The following ST6GALNAC3 variants were observed in gnomAD, a reference collection of about 807,000 sequenced individuals.
The protein encoded by ST6GALNAC3 is ST6 N-acetylgalactosaminide alpha-2,6-sialyltransferase 3.
A neutral mutation model predicts 32.7 loss-of-function variants in ST6GALNAC3; 25 were observed. That is an observed-to-expected ratio of 0.76 (90% confidence interval 0.56 to 1.07). The LOEUF (loss-of-function observed/expected upper bound fraction) is 1.07, where lower values mean the gene tolerates loss of function less well. ST6GALNAC3 is among the 50% of genes least tolerant of loss of function. ST6GALNAC3 has a pLI of 0.00. For missense variants in ST6GALNAC3, 355 were observed against 382.4 expected, an observed-to-expected ratio of 0.93 and a Z score of 0.60; for synonymous variants, 129 against 133.1, an observed-to-expected ratio of 0.97 and a Z score of 0.21.
intron 2 of ST6GALNAC3, among the ~76,000 whole-genome samples, chr1:76,363,264 T>C (rs1650108330): frequency 6.6e-6 from 1 of 152,194 alleles, no homozygotes; most frequent in Non-Finnish European, 1.5e-5. Context: ...CTAGATACTG[T>C]AAATCATCAC....
intron 3 of ST6GALNAC3, among the ~76,000 whole-genome samples, chr1:76,553,139 A>G (rs1314702956): frequency 6.6e-6 from 1 of 152,232 alleles, no homozygotes; most frequent in East Asian, 1.9e-4. Flanking sequence ...CAAAGGACAA[A>G]AAACCTGAAG....
At chr1:76,418,789 A>C (rs1387034761) in intron 3 of ST6GALNAC3, among the ~76,000 whole-genome samples, 1 of 152,070 alleles carries the variant, frequency 6.6e-6, no homozygotes, top group Non-Finnish European at 1.5e-5. Flanking sequence ...TTAGTCAAAA[A>C]GCATAATACT....
chr1:76,293,800 C>G (rs997750354), intron 1 of ST6GALNAC3, among the ~76,000 whole-genome samples: 5 of 152,078 alleles, frequency 3.3e-5, no homozygotes, highest in African/African-American at 1.2e-4. Flanking sequence ...AAATATAAAG[C>G]TTTAAAACAG....
chr1:76,183,312 A>G (rs1653308641), intron 1 of ST6GALNAC3, among the ~76,000 whole-genome samples: 1 of 152,154 alleles, frequency 6.6e-6, no homozygotes, highest in Admixed American at 6.5e-5. Context: ...CAAATGGTCT[A>G]CACCACATGA....
At chr1:76,114,675 A>C (rs1648333582) in intron 1 of ST6GALNAC3, among the ~76,000 whole-genome samples, 1 of 152,138 alleles carries the variant, frequency 6.6e-6, no homozygotes, top group African/African-American at 2.4e-5. Flanking sequence ...TTGGGAGGCC[A>C]AGGTGAGCGA....
intron 2 of ST6GALNAC3, among the ~76,000 whole-genome samples, chr1:76,324,082 A>T (rs1208817159): frequency 6.6e-6 from 1 of 151,920 alleles, no homozygotes; most frequent in Non-Finnish European, 1.5e-5. Context: ...GTGGTCTCGA[A>T]CTCCTGAGCC....
intron 1 of ST6GALNAC3, among the ~76,000 whole-genome samples, chr1:76,196,497 C>T (rs1312006117): frequency 1.3e-5 from 2 of 151,294 alleles, no homozygotes; most frequent in Non-Finnish European, 2.9e-5. Context: ...CGGAGTTTCA[C>T]TCTTGTCACC....
intron 1 of ST6GALNAC3, among the ~76,000 whole-genome samples, chr1:76,075,623 A>G (rs775286400): frequency 1.4e-4 from 21 of 151,986 alleles, no homozygotes; most frequent in Non-Finnish European, 2.9e-4. Flanking sequence ...GGGTTCACAG[A>G]CTTGTGGCCT....
chr1:76,487,710 C>A (rs975042401), intron 3 of ST6GALNAC3, among the ~76,000 whole-genome samples: 8 of 152,190 alleles, frequency 5.3e-5, no homozygotes, highest in Non-Finnish European at 1.0e-4. Flanking sequence ...TCATATGAAG[C>A]CTTCTTCTCT....
chr1:76,433,009 T>G (rs1382701103), intron 3 of ST6GALNAC3, among the ~76,000 whole-genome samples: 1 of 152,166 alleles, frequency 6.6e-6, no homozygotes, highest in Non-Finnish European at 1.5e-5. Context: ...CCCCGCCTGC[T>G]TCCCCTCTTG....
At chr1:76,189,943 A>T (rs1267844822) in intron 1 of ST6GALNAC3, among the ~76,000 whole-genome samples, 1 of 152,190 alleles carries the variant, frequency 6.6e-6, no homozygotes, top group Admixed American at 6.5e-5. Flanking sequence ...ATTTCTAGTT[A>T]TTGGATCACA....
At chr1:76,534,528 G>T (rs567301244) in intron 3 of ST6GALNAC3, among the ~76,000 whole-genome samples, 2 of 152,020 alleles carry the variant, frequency 1.3e-5, no homozygotes, top group African/African-American at 4.8e-5. Context: ...ATGCTGTTTT[G>T]TATTTTCCTA....
intron 3 of ST6GALNAC3, among the ~76,000 whole-genome samples, chr1:76,450,766 A>G (rs1276935722): frequency 2.0e-5 from 3 of 152,256 alleles, no homozygotes; most frequent in South Asian, 4.2e-4. Flanking sequence ...ATTCTTCTAC[A>G]TGTGGTTTGC....
At chr1:76,469,920 T>C (rs1029187291) in intron 3 of ST6GALNAC3, among the ~76,000 whole-genome samples, 1 of 152,126 alleles carries the variant, frequency 6.6e-6, no homozygotes, top group African/African-American at 2.4e-5. Context: ...AGCTAAGTGC[T>C]ATGGAGGGTA....
chr1:76,218,235 A>G (rs902499626), intron 1 of ST6GALNAC3, among the ~76,000 whole-genome samples: 9 of 152,120 alleles, frequency 5.9e-5, no homozygotes, highest in African/African-American at 2.2e-4. Flanking sequence ...TGAATAGACT[A>G]TCAAAGGTTG....
chr1:76,173,514 A>G (rs1652656635), intron 1 of ST6GALNAC3, among the ~76,000 whole-genome samples: 1 of 152,258 alleles, frequency 6.6e-6, no homozygotes, highest in South Asian at 2.1e-4. Context: ...GAGCTTCTGC[A>G]CAGCAAAAGA....
At chr1:76,532,160 C>A (rs425149) in intron 3 of ST6GALNAC3, among the ~76,000 whole-genome samples, 27,305 of 152,066 alleles carry the variant, frequency 0.18, 3,238 homozygotes, top group African/African-American at 0.33. Context: ...TGGTGAGAAA[C>A]CAGAAATGTC....
At chr1:76,585,804 G>A (rs1646954671) in intron 3 of ST6GALNAC3, among the ~76,000 whole-genome samples, 1 of 152,038 alleles carries the variant, frequency 6.6e-6, no homozygotes, top group African/African-American at 2.4e-5. Flanking sequence ...CAAATACCCA[G>A]TGGATTTTTA....
chr1:76,395,972 A>T (rs936620058), intron 2 of ST6GALNAC3, among the ~76,000 whole-genome samples: 1 of 152,142 alleles, frequency 6.6e-6, no homozygotes. Context: ...AGGACATGAA[A>T]TGTTCCCAAC....
Sources: gnomAD v4.1 joint callset for allele counts (sites outside exome capture counted in the v4.1 genomes callset) on GRCh38, gnomAD v4.1.1 for gene constraint, MANE v1.5 for transcripts, NCBI Gene and HGNC (gene_info 2026-07-23, HGNC 2026-07-21) for gene names.